SDHC: variants seen among roughly 807,000 people sequenced by gnomAD.
SDHC encodes the protein succinate dehydrogenase complex subunit C.
In SDHC, 11 loss-of-function variants were observed where a neutral mutation model predicts 22.6. The ratio of observed to expected loss-of-function variants is 0.49; its 90% CI spans 0.31 to 0.81. The LOEUF is 0.81. SDHC is among the 30% of genes least tolerant of loss of function. The pLI is 0.05. For synonymous variants in SDHC, 80 were observed against 77.8 expected (o/e 1.03, Z -0.15); for missense variants, 160 against 212.0 (o/e 0.75, Z 1.52).
At chr1:161,348,750 A>G (rs1012086436) in intron 4 of SDHC, among the ~76,000 whole-genome samples, 2 of 151,696 alleles carry the variant, frequency 1.3e-5, no homozygotes, top group African/African-American at 2.4e-5. Context: ...AGCCAGGAGA[A>G]TGAATTGAAC....
chr1:161,339,842 G>A (rs1259428114), intron 3 of SDHC, among the ~76,000 whole-genome samples: 3 of 151,300 alleles, frequency 2.0e-5, no homozygotes, highest in Non-Finnish European at 2.9e-5. Flanking sequence ...CACCACATCC[G>A]GCTAATTTTG....
chr1:161,356,326 GT>G (rs2102369229), intron 4 of SDHC, among the ~76,000 whole-genome samples: 1 of 152,188 alleles, frequency 6.6e-6, no homozygotes, highest in Admixed American at 6.5e-5. Context: ...ATCACTTGAG[GT>G]CAGGAGTTCG....
intron 3 of SDHC, among the ~76,000 whole-genome samples, chr1:161,334,995 T>C (rs1057505387): frequency 6.6e-6 from 1 of 152,218 alleles, no homozygotes; most frequent in African/African-American, 2.4e-5. Context: ...TAATGTCCTT[T>C]ATAGGCCTAA....
intron 1 of SDHC, among the ~76,000 whole-genome samples, chr1:161,319,711 T>A (rs1020621688): frequency 2.0e-4 from 30 of 152,204 alleles, no homozygotes; most frequent in Admixed American, 3.3e-4. Flanking sequence ...CCTCCCATAG[T>A]GCTGGGATTA....
intron 4 of SDHC, among the ~76,000 whole-genome samples, chr1:161,354,907 A>C (rs1672218796): frequency 6.6e-6 from 1 of 152,048 alleles, no homozygotes; most frequent in South Asian, 2.1e-4. Flanking sequence ...ATGGGGTTTC[A>C]CCATGTTGCC....
intron 3 of SDHC, among the ~76,000 whole-genome samples, chr1:161,332,455 T>C (rs1438097360): frequency 2.0e-5 from 3 of 152,182 alleles, no homozygotes; most frequent in African/African-American, 7.2e-5. Context: ...AAGTTTTTAA[T>C]AACATGTTCC....
At position 161,315,778 on chromosome 1, in the gene SDHC, AAG is replaced by A. The variant is rs1466166482; in HGVS notation, c.20+1357_20+1358del. 3.3e-5 allele frequency among the ~76,000 whole-genome samples: 5 copies of A among 152,172 alleles called. No homozygotes were observed. The South Asian group carries it at 6.2e-4, about 19-fold the overall frequency. The stretch of plus-strand genomic sequence containing the variant: ...GGTGGAACGAGAGACTTGGAAAAGA[AAG>A]AGACACAGACAAAGTATAGAGAAAG... On this transcript the variant is annotated intron_variant, in intron 1 of 5. Transcript: ENST00000367975.
intron 2 of SDHC, among the ~76,000 whole-genome samples, chr1:161,324,310 A>G (rs1192605049): frequency 6.6e-6 from 1 of 152,068 alleles, no homozygotes; most frequent in African/African-American, 2.4e-5. Context: ...AGGTTTCACC[A>G]TTTTGCCCAA....
intron 1 of SDHC, chr1:161,314,836 C>A: frequency 4.8e-6 from 1 of 210,254 alleles, no homozygotes; most frequent in Non-Finnish European, 9.8e-6. Context: ...TGTATTTTGC[C>A]TTTGCTTCGA....
chr1:161,356,301 G>A (rs1000178927), intron 4 of SDHC, among the ~76,000 whole-genome samples: 5 of 152,078 alleles, frequency 3.3e-5, no homozygotes, highest in Non-Finnish European at 7.4e-5. Flanking sequence ...CACTTTGGGA[G>A]GCAAAGGTGG....
intron 4 of SDHC, among the ~76,000 whole-genome samples, chr1:161,343,109 G>A (rs954451650): frequency 6.6e-6 from 1 of 152,196 alleles, no homozygotes; most frequent in Admixed American, 6.5e-5. Context: ...TAGAGCTTTC[G>A]AGGTAGGAAA....
chr1:161,320,975 C>T (rs111767627), intron 1 of SDHC, among the ~76,000 whole-genome samples: 2,769 of 152,024 alleles, frequency 0.018, 82 homozygotes, highest in African/African-American at 0.063. Flanking sequence ...CACAGGCGTG[C>T]GCCACTACGC....
At chr1:161,341,348 C>T (rs1671712891) in intron 4 of SDHC, among the ~76,000 whole-genome samples, 1 of 152,190 alleles carries the variant, frequency 6.6e-6, no homozygotes, top group Non-Finnish European at 1.5e-5. Flanking sequence ...AAGACTAGCT[C>T]ACTAACCAGT....
At chr1:161,329,331 CTTCT>C (rs1671188824) in intron 3 of SDHC, among the ~76,000 whole-genome samples, 1 of 151,852 alleles carries the variant, frequency 6.6e-6, no homozygotes, top group East Asian at 1.9e-4. Flanking sequence ...TTGTTTTCTT[CTTCT>C]TTTTTTATTT....
chr1:161,325,256 C>A (rs1396050186), intron 2 of SDHC, among the ~76,000 whole-genome samples: 1 of 151,814 alleles, frequency 6.6e-6, no homozygotes, highest in Non-Finnish European at 1.5e-5. Flanking sequence ...ACTTGTAATT[C>A]CAGCACTTTG....
intron 3 of SDHC, chr1:161,339,662 G>GTTTTTTTTTTTTTTTTTTTGTTTT (rs1671639672): frequency 2.0e-5 from 1 of 49,566 alleles, no homozygotes; most frequent in Non-Finnish European, 3.5e-5. Flanking sequence ...TGATACAGGT[G>GTTTTTTTTTTTTTTTTTTTGTTTT]TTTTTTTTTT....
intron 2 of SDHC, among the ~76,000 whole-genome samples, chr1:161,324,160 C>T (rs922747973): frequency 6.6e-6 from 1 of 152,150 alleles, no homozygotes. Context: ...GTTTTTGAGA[C>T]AAGCTCTCAC....
chr1:161,345,211 G>A (rs1671850592), intron 4 of SDHC, among the ~76,000 whole-genome samples: 1 of 152,174 alleles, frequency 6.6e-6, no homozygotes, highest in Admixed American at 6.5e-5. Flanking sequence ...TCCTACCTGA[G>A]AGGCATTGCA....
At chr1:161,357,470 G>A (rs924548728) in intron 5 of SDHC, among the ~76,000 whole-genome samples, 20 of 152,060 alleles carry the variant, frequency 1.3e-4, no homozygotes, top group Admixed American at 2.0e-4. Context: ...CGCGATCTTG[G>A]GTCACTGCAA....
Sources: allele counts gnomAD v4.1 joint callset (sites outside exome capture counted in the v4.1 genomes callset), GRCh38; gene constraint gnomAD v4.1.1; transcripts MANE v1.5; gene names NCBI Gene and HGNC (gene_info 2026-07-23, HGNC 2026-07-21).